The following HEMK2 variants were observed in gnomAD, a reference collection of about 807,000 sequenced individuals.
HEMK2 encodes HemK methyltransferase 2, ETF1 glutamine and histone H4 lysine.
the HEMK2 span, chr21:28,876,204 C>T: frequency 4.8e-5 from 20 of 415,852 alleles, no homozygotes; most frequent in African/African-American, 3.9e-4. Context: ...ATATAATACA[C>T]ATATTTACTT....
chr21:28,764,766 A>G, the HEMK2 span, among the ~76,000 whole-genome samples: 2 of 152,118 alleles, frequency 1.3e-5, no homozygotes, highest in Non-Finnish European at 2.9e-5. Flanking sequence ...CAGTGGCCAG[A>G]AATCAGGTAA....
chr21:28,878,625 TA>T, the HEMK2 span, among the ~76,000 whole-genome samples: 15 of 152,010 alleles, frequency 9.9e-5, no homozygotes, highest in African/African-American at 2.4e-4. Flanking sequence ...TTTTTATTAA[TA>T]AAAAAATATT....
chr21:28,618,119 G>A, the HEMK2 span, among the ~76,000 whole-genome samples: 2 of 152,006 alleles, frequency 1.3e-5, no homozygotes, highest in Non-Finnish European at 2.9e-5. Flanking sequence ...AGAATAACAA[G>A]ACAAACAGAA....
chr21:28,580,105 T>C, the HEMK2 span, among the ~76,000 whole-genome samples: 1 of 152,160 alleles, frequency 6.6e-6, no homozygotes, highest in Non-Finnish European at 1.5e-5. Context: ...AATTTCTGAA[T>C]ATAGTTGATA....
At chr21:28,618,480 G>C in the HEMK2 span, among the ~76,000 whole-genome samples, 1 of 152,028 alleles carries the variant, frequency 6.6e-6, no homozygotes. Flanking sequence ...TAAAAGATTT[G>C]TGTCAAAACT....
At chr21:28,744,634 C>A in the HEMK2 span, among the ~76,000 whole-genome samples, 1 of 152,146 alleles carries the variant, frequency 6.6e-6, no homozygotes, top group Non-Finnish European at 1.5e-5. Flanking sequence ...AAACAAGAGC[C>A]TCTATTTATT....
the HEMK2 span, among the ~76,000 whole-genome samples, chr21:28,788,741 G>A: frequency 6.6e-6 from 1 of 151,806 alleles, no homozygotes; most frequent in African/African-American, 2.4e-5. Context: ...CACTGTCCTG[G>A]GTTGAACAGT....
chr21:28,799,840 C>T, the HEMK2 span, among the ~76,000 whole-genome samples: 2 of 152,118 alleles, frequency 1.3e-5, no homozygotes, highest in Non-Finnish European at 2.9e-5. Flanking sequence ...TATTTTTGAT[C>T]AGGTAAAATG....
the HEMK2 span, among the ~76,000 whole-genome samples, chr21:28,884,745 C>T: frequency 6.6e-6 from 1 of 152,262 alleles, no homozygotes; most frequent in African/African-American, 2.4e-5. Flanking sequence ...AAAAATATTT[C>T]CCCACTCCAG....
At chr21:28,779,364 A>G in the HEMK2 span, among the ~76,000 whole-genome samples, 1 of 152,248 alleles carries the variant, frequency 6.6e-6, no homozygotes, top group African/African-American at 2.4e-5. Context: ...TAAGCCAGGA[A>G]TAGAAAGAGT....
the HEMK2 span, among the ~76,000 whole-genome samples, chr21:28,618,464 TATAA>T: frequency 6.6e-6 from 1 of 152,218 alleles, no homozygotes; most frequent in African/African-American, 2.4e-5. Flanking sequence ...CATTCTCTAC[TATAA>T]ATAAAAGATT....
At chr21:28,668,018 T>C in the HEMK2 span, among the ~76,000 whole-genome samples, 1 of 152,200 alleles carries the variant, frequency 6.6e-6, no homozygotes, top group African/African-American at 2.4e-5. Flanking sequence ...CAGAAGTCCT[T>C]TGGGGGAAAA....
chr21:28,576,453 G>A, the HEMK2 span, among the ~76,000 whole-genome samples: 1 of 100,376 alleles, frequency 1.0e-5, no homozygotes, highest in South Asian at 3.3e-4. Flanking sequence ...ATTGAGATTT[G>A]GAATTTTTAA....
the HEMK2 span, among the ~76,000 whole-genome samples, chr21:28,877,273 G>GAAGGAAGGAAGGAAGGAAGGAAGGAAGA: frequency 7.5e-6 from 1 of 132,942 alleles, no homozygotes; most frequent in South Asian, 2.6e-4. Context: ...AGGAAGGAAG[G>GAAGGAAGGAAGGAAGGAAGGAAGGAAGA]AAGGAAGGAA....
chr21:28,856,366 G>A, the HEMK2 span, among the ~76,000 whole-genome samples: 2 of 151,520 alleles, frequency 1.3e-5, no homozygotes, highest in Non-Finnish European at 2.9e-5. Context: ...AGTGAGCTGA[G>A]ATCGTGCCAC....
the HEMK2 span, among the ~76,000 whole-genome samples, chr21:28,850,286 G>A: frequency 2.1e-5 from 3 of 143,886 alleles, no homozygotes; most frequent in Non-Finnish European, 3.0e-5. Context: ...GTGCAGTGGC[G>A]CAATCTCGGC....
chr21:28,883,514 A>G, the HEMK2 span, among the ~76,000 whole-genome samples: 2 of 152,204 alleles, frequency 1.3e-5, no homozygotes, highest in Non-Finnish European at 2.9e-5. Context: ...TAACATTCAT[A>G]GAGCCATCAG....
chr21:28,653,692 C>G, the HEMK2 span, among the ~76,000 whole-genome samples: 5 of 152,260 alleles, frequency 3.3e-5, no homozygotes, highest in African/African-American at 1.2e-4. Flanking sequence ...TAAATGAAAG[C>G]ATTGCTGCTT....
chr21:28,841,212 TTA>T, the HEMK2 span, among the ~76,000 whole-genome samples: 51 of 14,238 alleles, frequency 3.6e-3, 6 homozygotes, highest in African/African-American at 0.024. Flanking sequence ...ATATAATATA[TTA>T]TATATATTAT....
Sources: gnomAD v4.1 joint callset for allele counts (sites outside exome capture counted in the v4.1 genomes callset) on GRCh38, gnomAD v4.1.1 for gene constraint, MANE v1.5 for transcripts, NCBI Gene and HGNC (gene_info 2026-07-23, HGNC 2026-07-21) for gene names.